Variants in ZNF549 observed in about 807,000 individuals in gnomAD.
The protein encoded by ZNF549 is zinc finger protein 549.
In ZNF549, 11 loss-of-function variants were observed where a neutral mutation model predicts 11.1. That is an observed-to-expected ratio of 0.99 (90% CI 0.62 to 1.64). The LOEUF (loss-of-function observed/expected upper bound fraction) is 1.64. Among genes scored for constraint, ZNF549 ranks in the 40% most tolerant of loss-of-function variants. ZNF549 has a pLI of 0.00. For synonymous variants in ZNF549, 266 were observed against 269.1 expected, an observed-to-expected ratio of 0.99 and a Z score of 0.11; for missense variants, 748 against 765.1, an observed-to-expected ratio of 0.98 and a Z score of 0.26.
At chr19:57,527,865 A>G (rs1188669039) in intron 1 of ZNF549, among the ~76,000 whole-genome samples, 1 of 152,108 alleles carries the variant, frequency 6.6e-6, no homozygotes, top group Non-Finnish European at 1.5e-5. Flanking sequence ...GGGAGCAGAG[A>G]GAATGAGGAG....
intron 1 of ZNF549, among the ~76,000 whole-genome samples, chr19:57,528,280 T>C (rs1317663576): frequency 6.6e-6 from 1 of 152,148 alleles, no homozygotes; most frequent in Non-Finnish European, 1.5e-5. Context: ...GACAAAGAAA[T>C]CTGGTGAGGG....
intron 1 of ZNF549, among the ~76,000 whole-genome samples, chr19:57,528,571 A>G (rs2089889832): frequency 6.6e-6 from 1 of 152,192 alleles, no homozygotes; most frequent in African/African-American, 2.4e-5. Flanking sequence ...CTGCCTGCAG[A>G]TAGGAGGGCC....
At position 57,537,419 on chromosome 19, in the gene ZNF549, A is replaced by G. The variant is rs777128865; in HGVS notation, c.415A>G (p.Lys139Glu). 1 of 1,614,190 alleles carries G rather than the reference A, an allele frequency of 6.2e-7. No homozygotes were observed. Among genetic ancestry groups the G allele is most frequent in the Non-Finnish European group, 8.5e-7 (1 of 1,180,032 alleles). ...QKPYTSVASG[K>E]WFSFGSNLQQ... The stretch of plus-strand genomic sequence containing the variant: ...ACCTTATACGTCTGTGGCCAGTGGG[A>G]AATGGTTTTCATTTGGTTCTAACCT... Residue 139 changes from lysine (K) to glutamate (E), a missense_variant, in exon 4 of 4, where the codon AAA (lysine) becomes GAA (glutamate). By Grantham distance (56) the Lys-to-Glu change is moderately conservative. Transcript: ENST00000376233.
In ZNF549 at chr19:57,535,870, G is replaced by A. The variant is rs185586826; in HGVS notation, c.199+600G>A. ...GGGAGAGGCCTGTGTTCCTGAAAGC[G>A]TAGTGAAGTCTTCAGCCACAGCAAG... On this transcript the variant is annotated intron_variant, in intron 3 of 3. Coordinates refer to ENST00000376233, the MANE Select transcript of ZNF549 (RefSeq NM_001199295.2). Among the ~76,000 whole-genome samples, 221 of 152,216 alleles carry A rather than the reference G, an allele frequency of 1.5e-3. 2 individuals carry two copies. The highest frequency in any genetic ancestry group is 4.8e-3 in the African/African-American group (200 of 41,516).
chr19:57,533,230 C>G (rs2089911201), intron 2 of ZNF549, among the ~76,000 whole-genome samples: 1 of 152,150 alleles, frequency 6.6e-6, no homozygotes, highest in Admixed American at 6.5e-5. Context: ...TTTTAAGTCC[C>G]ACAGTTAGGT....
rs549607533 is a variant in ZNF549 at position 57,527,364 on chromosome 19, T to C, written c.-210T>C. 16 of 662,512 alleles carry C rather than the reference T, an allele frequency of 2.4e-5. No individual in the cohort carries two copies. Among genetic ancestry groups the C allele is most frequent in the Non-Finnish European group, 3.9e-5 (15 of 383,688 alleles). 41.0% of individuals were successfully genotyped at this position (662,512 alleles called of 1,614,324 possible). The stretch of plus-strand genomic sequence containing the variant: ...TCTTTCCGGTGGTGGTCGTTTTTGC[T>C]GCCTGCGAGCGCGTCCGCGGGCTGG... On this transcript the variant is annotated 5_prime_UTR_variant, in exon 1 of 4. Transcript: ENST00000376233.
At position 57,537,488 on chromosome 19, in the gene ZNF549, AAGG is replaced by A. The variant is rs763484307; in HGVS notation, c.490_492del (p.Glu164del). On this transcript the variant is annotated inframe_deletion, in exon 4 of 4. Coordinates refer to ENST00000376233, the MANE Select transcript of ZNF549 (RefSeq NM_001199295.2). ...GGACAGTGGAGAGAAACACATCAGA[AAGG>A]AGGAGAGCAGTGCCTTGCTTCTGAA... 4 of 1,614,104 alleles carry A rather than the reference AAGG, an allele frequency of 2.5e-6. No homozygotes were observed. The highest frequency in any genetic ancestry group is 1.3e-5 in the African/African-American group (1 of 74,936).
chr19:57,536,825 C>T (rs936350140), intron 3 of ZNF549, among the ~76,000 whole-genome samples: 10 of 152,162 alleles, frequency 6.6e-5, no homozygotes, highest in South Asian at 4.1e-4. Context: ...TGCAATGGCT[C>T]GTGCCTATAA....
chr19:57,533,417 T>C (rs1440900942), intron 2 of ZNF549, among the ~76,000 whole-genome samples: 3 of 152,200 alleles, frequency 2.0e-5, no homozygotes, highest in Non-Finnish European at 4.4e-5. Context: ...CAGGTTAGGC[T>C]CTGATTAACT....
At chr19:57,534,651 T>C (rs1276077398) in intron 2 of ZNF549, among the ~76,000 whole-genome samples, 1 of 152,110 alleles carries the variant, frequency 6.6e-6, no homozygotes, top group East Asian at 1.9e-4. Context: ...CCAGGCCACA[T>C]GGGGACGTCT....
At chr19:57,532,825 G>T (rs2089909548) in intron 2 of ZNF549, among the ~76,000 whole-genome samples, 1 of 152,200 alleles carries the variant, frequency 6.6e-6, no homozygotes, top group Non-Finnish European at 1.5e-5. Flanking sequence ...AGAAAAGAGT[G>T]TGGAAGACTT....
rs2089938211 is a variant in ZNF549 at position 57,538,435 on chromosome 19, CT to C, written c.1432del (p.Cys478ValfsTer159). 11 of 1,613,888 alleles carry C rather than the reference CT, an allele frequency of 6.8e-6. No individual in the cohort carries two copies. Among genetic ancestry groups the C allele is most frequent in the Non-Finnish European group, 9.3e-6 (11 of 1,179,954 alleles). ...TGERAYECSD[C>X]GKAFISKQTL... ...GAGAAAGGGCTTATGAATGCAGTGA[CT>C]GTGGGAAAGCCTTCATCTCCAAACA... On this transcript the variant is annotated frameshift_variant, in exon 4 of 4. Coordinates refer to ENST00000376233, the MANE Select transcript of ZNF549 (RefSeq NM_001199295.2). LOFTEE classifies it low-confidence loss of function (END_TRUNC).
rs753473079 is a variant in ZNF549, at chr19:57,531,038, AC to A, written c.34-30del. On this transcript the variant is annotated intron_variant, in intron 1 of 3. Coordinates refer to ENST00000376233, the MANE Select transcript of ZNF549 (RefSeq NM_001199295.2). ...ACCCTTTGTAAATGCCACCTTGAAC[AC>A]CTGTATTTCATAGCCTCCCTCTTCC... 8 of 1,597,028 alleles carry A rather than the reference AC, an allele frequency of 5.0e-6. No individual in the cohort carries two copies. The South Asian group carries it at 8.8e-5, about 18-fold the overall frequency.
Position 57,538,164 on chromosome 19 carries a change from G to A in ZNF549, c.1160G>A (p.Gly387Glu). The A allele has an allele frequency of 6.2e-7, 1 of 1,614,106 alleles. No homozygotes were observed. Among genetic ancestry groups the A allele is most frequent in the East Asian group, 2.2e-5 (1 of 44,886 alleles). The change falls in exon 4 of 4, where the codon GGG (glycine) becomes GAG (glutamate). Residue 387 changes from glycine to glutamate, a missense_variant. Transcript: ENST00000376233. ...IRHQRVHTGE[G>E]AYQCSECGKS... is the part of the protein sequence containing the mutation. The stretch of plus-strand genomic sequence containing the variant: ...CACCAGAGAGTTCACACTGGAGAAG[G>A]GGCTTATCAGTGCAGTGAATGTGGG...
chr19:57,535,724 G>A (rs775012869), intron 3 of ZNF549, among the ~76,000 whole-genome samples: 7 of 152,104 alleles, frequency 4.6e-5, no homozygotes, highest in Non-Finnish European at 1.0e-4. Flanking sequence ...TTTCCCTCCT[G>A]TAGTCTGTCA....
Position 57,537,314 on chromosome 19 carries a change from C to A in ZNF549, c.310C>A (p.His104Asn). Reference sequence around the variant, plus strand: ...GCTAGGTCCTTCCATCCCAAATGCTCATTCTTGTGAGATGTGTATCCTGGT... The same window carrying A: ...GCTAGGTCCTTCCATCCCAAATGCTAATTCTTGTGAGATGTGTATCCTGGT... ...PKLGPSIPNA[H>N]SCEMCILVMK... Residue 104 changes from histidine (H) to asparagine (N), a missense_variant, in exon 4 of 4, where the codon CAT becomes AAT. His to Asn is a moderately conservative substitution (Grantham distance 68, BLOSUM62 1). Coordinates refer to ENST00000376233, the MANE Select transcript of ZNF549 (RefSeq NM_001199295.2). 6.2e-7 allele frequency: 1 copy of A among 1,614,234 alleles called. No homozygotes were observed. The highest frequency in any genetic ancestry group is 1.1e-5 in the South Asian group (1 of 91,080).
intron 2 of ZNF549, among the ~76,000 whole-genome samples, chr19:57,531,668 G>A (rs1286473129): frequency 6.6e-6 from 1 of 152,164 alleles, no homozygotes; most frequent in Non-Finnish European, 1.5e-5. Flanking sequence ...TTGAACACAA[G>A]CACTGTGATA....
chr19:57,530,077 AG>A (rs1273478959), intron 1 of ZNF549, among the ~76,000 whole-genome samples: 1 of 152,148 alleles, frequency 6.6e-6, no homozygotes, highest in African/African-American at 2.4e-5. Flanking sequence ...ACAGCTGATA[AG>A]GGAAGACTTC....
chr19:57,537,022 G>A (rs1451960584), intron 3 of ZNF549, among the ~76,000 whole-genome samples, 182 bp from the exon 4 acceptor site: 1 of 152,166 alleles, frequency 6.6e-6, no homozygotes, highest in Non-Finnish European at 1.5e-5. Flanking sequence ...CTGGAGCTTG[G>A]AAGGTCAAGG....
Sources: allele counts gnomAD v4.1 joint callset (sites outside exome capture counted in the v4.1 genomes callset), GRCh38; gene constraint gnomAD v4.1.1; transcripts MANE v1.5; gene names NCBI Gene and HGNC (gene_info 2026-07-23, HGNC 2026-07-21).